The following NRXN3 variants were observed in gnomAD, a reference collection of about 807,000 sequenced individuals.
The protein encoded by NRXN3 is neurexin III.
A neutral mutation model predicts 137.6 loss-of-function variants in NRXN3; 32 were observed. The observed-to-expected ratio is 0.23, with a 90% CI of 0.18 to 0.31. NRXN3 has a LOEUF of 0.31. Among genes scored for constraint, NRXN3 ranks in the 10% least tolerant of loss-of-function variants. The probability of loss-of-function intolerance (pLI) is 1.00; values close to 1 mark genes in which losing one functional copy is unlikely to be tolerated. For synonymous variants in NRXN3, 798 were observed against 784.5 expected, an observed-to-expected ratio of 1.02 and a Z score of -0.29; for missense variants, 1,574 against 2,062.5, an observed-to-expected ratio of 0.76 and a Z score of 4.59.
chr14:78,773,864 C>T (rs770358798), intron 8 of NRXN3, among the ~76,000 whole-genome samples: 5 of 152,050 alleles, frequency 3.3e-5, no homozygotes, highest in South Asian at 2.1e-4. Flanking sequence ...TGCAGTGGCG[C>T]GATCTTGGCT....
At chr14:79,364,638 C>T (rs2093810411) in intron 15 of NRXN3, among the ~76,000 whole-genome samples, 1 of 150,970 alleles carries the variant, frequency 6.6e-6, no homozygotes, top group Admixed American at 6.6e-5. Context: ...TAATAATACT[C>T]TATTTTTCAA....
intron 8 of NRXN3, among the ~76,000 whole-genome samples, chr14:78,774,389 T>C (rs2098738537): frequency 6.6e-6 from 1 of 152,224 alleles, no homozygotes; most frequent in Non-Finnish European, 1.5e-5. Context: ...ATATTCTGTG[T>C]GAACAAAGGG....
intron 17 of NRXN3, among the ~76,000 whole-genome samples, chr14:79,671,659 T>C (rs2098608500): frequency 6.6e-6 from 1 of 151,990 alleles, no homozygotes; most frequent in Admixed American, 6.6e-5. Flanking sequence ...TTAATTTAAT[T>C]TTTGTTTTAT....
rs984566501 is a variant in NRXN3 at position 79,644,799 on chromosome 14, C to G, written c.3445-18979C>G. Among the ~76,000 whole-genome samples the G allele has an allele frequency of 5.9e-5, 8 of 135,640 alleles. 2 individuals carry two copies. The highest frequency in any genetic ancestry group is 5.5e-4 in the Admixed American group (7 of 12,832). The allele number at this position is 135,640 out of a possible 152,430, so 89.0% of individuals were successfully genotyped here. A position where few individuals can be genotyped will look rare whatever the true frequency, so the allele number is the denominator to read the frequency against. On this transcript the variant is annotated intron_variant, in intron 16 of 20. Coordinates refer to ENST00000335750, the MANE Select transcript of NRXN3 (RefSeq NM_001330195.2). Reference sequence around the variant, plus strand: ...ATGTGTTTTGTGCATTAAAATTTACCAAGCACTTTTACATATATTATCTCA... The same window carrying G: ...ATGTGTTTTGTGCATTAAAATTTACGAAGCACTTTTACATATATTATCTCA...
At chr14:78,860,336 A>T (rs1048813368) in intron 10 of NRXN3, among the ~76,000 whole-genome samples, 1 of 152,180 alleles carries the variant, frequency 6.6e-6, no homozygotes, top group African/African-American at 2.4e-5. Flanking sequence ...CTTAGATAGT[A>T]AATTCAGCAT....
intron 15 of NRXN3, among the ~76,000 whole-genome samples, chr14:79,197,297 C>T (rs568279982): frequency 6.6e-6 from 1 of 152,154 alleles, no homozygotes; most frequent in African/African-American, 2.4e-5. Flanking sequence ...CCTGCTGTAA[C>T]CAGCTGGAAA....
At chr14:79,091,344 A>G (rs1231067206) in intron 15 of NRXN3, among the ~76,000 whole-genome samples, 1 of 152,204 alleles carries the variant, frequency 6.6e-6, no homozygotes, top group Non-Finnish European at 1.5e-5. Context: ...AAGAAGCTCC[A>G]TACCATATTC....
At chr14:78,272,393 C>T (rs772714570) in intron 2 of NRXN3, among the ~76,000 whole-genome samples, 5 of 152,074 alleles carry the variant, frequency 3.3e-5, no homozygotes, top group East Asian at 1.9e-4. Context: ...AGCAATTGGG[C>T]GAGGAATTCT....
intron 8 of NRXN3, among the ~76,000 whole-genome samples, chr14:78,724,455 G>A (rs544990063): frequency 6.2e-4 from 95 of 152,310 alleles, no homozygotes; most frequent in African/African-American, 2.2e-3. Flanking sequence ...CAGTAGAATA[G>A]ATGCTCAGAT....
intron 2 of NRXN3, among the ~76,000 whole-genome samples, chr14:78,262,638 C>T: frequency 6.6e-6 from 1 of 152,110 alleles, no homozygotes; most frequent in East Asian, 1.9e-4. Flanking sequence ...CCAGGTCCTC[C>T]CACCTGCCAC....
At chr14:78,959,404 T>C (rs2099403662) in intron 11 of NRXN3, among the ~76,000 whole-genome samples, 1 of 152,194 alleles carries the variant, frequency 6.6e-6, no homozygotes. Context: ...CTGCTTGCTG[T>C]ACTTCAAAAT....
chr14:79,701,778 C>G (rs964759067), intron 19 of NRXN3, among the ~76,000 whole-genome samples: 4 of 151,990 alleles, frequency 2.6e-5, no homozygotes, highest in African/African-American at 9.7e-5. Flanking sequence ...TTGCAACCAA[C>G]CTAAGTCTAC....
intron 4 of NRXN3, among the ~76,000 whole-genome samples, chr14:78,468,125 A>C (rs1355239511): frequency 6.6e-6 from 1 of 151,958 alleles, no homozygotes; most frequent in Non-Finnish European, 1.5e-5. Context: ...GATTTCACCA[A>C]GTTGGGTCTT....
chr14:78,645,864 A>G (rs1199623909), intron 5 of NRXN3, among the ~76,000 whole-genome samples: 1 of 152,194 alleles, frequency 6.6e-6, no homozygotes, highest in East Asian at 1.9e-4. Flanking sequence ...CCACGATGCC[A>G]TAATTTTAAT....
chr14:78,586,212 AC>A (rs1280510837), intron 4 of NRXN3, among the ~76,000 whole-genome samples: 5 of 152,164 alleles, frequency 3.3e-5, no homozygotes, highest in Non-Finnish European at 5.9e-5. Context: ...AACAAAATCT[AC>A]CATCTGGCTG....
chr14:78,503,121 C>T (rs2095912062), intron 4 of NRXN3, among the ~76,000 whole-genome samples: 1 of 152,050 alleles, frequency 6.6e-6, no homozygotes. Context: ...ATTTTACCTG[C>T]CTAAATGACA....
At chr14:78,744,058 A>G (rs1426519439) in intron 8 of NRXN3, among the ~76,000 whole-genome samples, 1 of 152,190 alleles carries the variant, frequency 6.6e-6, no homozygotes, top group African/African-American at 2.4e-5. Context: ...CCAACAAAGT[A>G]ACAGATACTC....
intron 15 of NRXN3, 158 bp downstream of exon 15, chr14:78,988,299 G>A (rs911592583): frequency 1.2e-6 from 1 of 841,978 alleles, no homozygotes; most frequent in Non-Finnish European, 2.0e-6. Flanking sequence ...GCTCTTATGA[G>A]AAGAGTGAAG....
intron 20 of NRXN3, among the ~76,000 whole-genome samples, chr14:79,860,316 A>G (rs954089604): frequency 1.3e-5 from 2 of 152,258 alleles, no homozygotes; most frequent in East Asian, 3.8e-4. Flanking sequence ...CATATATTGC[A>G]TACAGCATGA....
Sources: gnomAD v4.1 joint callset for allele counts (sites outside exome capture counted in the v4.1 genomes callset) on GRCh38, gnomAD v4.1.1 for gene constraint, MANE v1.5 for transcripts, NCBI Gene and HGNC (gene_info 2026-07-23, HGNC 2026-07-21) for gene names.